The following FBN1 variants were observed in gnomAD, a reference collection of about 807,000 sequenced individuals.
FBN1 encodes fibrillin-1.
Under a neutral mutation model 365.1 loss-of-function variants are expected in FBN1, and 29 were observed. The observed-to-expected ratio is 0.08, with a 90% CI of 0.06 to 0.11. The LOEUF (loss-of-function observed/expected upper bound fraction) is 0.11, where lower values mean the gene tolerates loss of function less well. Among genes scored for constraint, FBN1 ranks in the 10% least tolerant of loss-of-function variants. The probability of loss-of-function intolerance (pLI) is 1.00; values close to 1 mark genes in which losing one functional copy is unlikely to be tolerated. For missense variants in FBN1, 2,476 were observed against 3,703.2 expected, an observed-to-expected ratio of 0.67 and a Z score of 8.60; for synonymous variants, 1,210 against 1,270.5, an observed-to-expected ratio of 0.95 and a Z score of 1.01.
chr15:48,517,281 C>T (rs1217888756), intron 10 of FBN1, among the ~76,000 whole-genome samples: 2 of 152,174 alleles, frequency 1.3e-5, no homozygotes, highest in Admixed American at 6.5e-5. Context: ...AGAGGTGATA[C>T]TCAAAGCCAT....
At chr15:48,485,614 A>C in intron 29 of FBN1, 118 bp from the exon 30 acceptor site, 1 of 1,110,376 alleles carries the variant, frequency 9.0e-7, no homozygotes, top group Non-Finnish European at 1.3e-6. Flanking sequence ...GGCCTTTAAA[A>C]GAGGTAATCA....
At chr15:48,520,857 A>C in intron 9 of FBN1, 40 bp from the exon 10 acceptor site, 1 of 1,613,058 alleles carries the variant, frequency 6.2e-7, no homozygotes. Context: ...CACATCGCTG[A>C]GATAATACTT....
chr15:48,521,508 G>C (rs1367841161), intron 9 of FBN1, among the ~76,000 whole-genome samples: 1 of 152,154 alleles, frequency 6.6e-6, no homozygotes, highest in Non-Finnish European at 1.5e-5. Flanking sequence ...GAAGGATTTT[G>C]TTGTTGTTTT....
At chr15:48,500,963 C>T (rs2043649984) in intron 17 of FBN1, among the ~76,000 whole-genome samples, 2 of 152,178 alleles carry the variant, frequency 1.3e-5, no homozygotes, top group Non-Finnish European at 2.9e-5. Flanking sequence ...AAACAGCCTA[C>T]CCCCCATTCT....
At chr15:48,428,242 C>T (rs2042995911) in intron 57 of FBN1, 104 bp downstream of exon 57, 1 of 1,429,866 alleles carries the variant, frequency 7.0e-7, no homozygotes, top group African/African-American at 1.4e-5. Context: ...TTTTATCCTT[C>T]CTCAGATTTT....
rs369475895 is a variant in FBN1 at position 48,494,268 on chromosome 15, C to T, written c.2678-14G>A. 3.5e-5 allele frequency: 56 copies of T among 1,609,170 alleles called. No homozygotes were observed. The highest frequency in any genetic ancestry group is 1.5e-4 in the Admixed American group (9 of 59,950). On this transcript the variant is annotated splice_polypyrimidine_tract_variant and intron_variant, in intron 22 of 65. Coordinates refer to ENST00000316623, the MANE Select transcript of FBN1 (RefSeq NM_000138.5). ...CACATATGGGATCTGTAATAAAAAG[C>T]GAAAAACAAAACAGAAAACAAATTT...
At chr15:48,605,869 C>CGTCTAAAAAAATTATT (rs1378115159) in intron 4 of FBN1, among the ~76,000 whole-genome samples, 1 of 151,740 alleles carries the variant, frequency 6.6e-6, no homozygotes, top group Non-Finnish European at 1.5e-5. Context: ...AGTAAGACCC[C>CGTCTAAAAAAATTATT]GTCTAAAAAA....
intron 6 of FBN1, among the ~76,000 whole-genome samples, chr15:48,543,249 A>G (rs1287118820): frequency 2.0e-5 from 3 of 152,120 alleles, no homozygotes; most frequent in African/African-American, 7.2e-5. Context: ...ACTGATATAC[A>G]TGATCTCATG....
intron 25 of FBN1, among the ~76,000 whole-genome samples, chr15:48,489,612 G>A (rs2043538532): frequency 6.6e-6 from 1 of 152,146 alleles, no homozygotes; most frequent in Non-Finnish European, 1.5e-5. Flanking sequence ...ACATTTAAGA[G>A]GGCCACCTAG....
chr15:48,443,352 C>T (rs1317016204), intron 49 of FBN1, among the ~76,000 whole-genome samples: 2 of 152,082 alleles, frequency 1.3e-5, no homozygotes, highest in East Asian at 3.9e-4. Flanking sequence ...AGAAATTAGC[C>T]TGTACATGCC....
chr15:48,526,298 T>G (rs2043914358), intron 8 of FBN1, 43 bp from the exon 9 acceptor site: 2 of 1,608,504 alleles, frequency 1.2e-6, no homozygotes, highest in Non-Finnish European at 1.7e-6. Context: ...TAGAACACAA[T>G]ATAAAACCAT....
chr15:48,512,868 T>C (rs577044589), intron 13 of FBN1, among the ~76,000 whole-genome samples: 2 of 152,188 alleles, frequency 1.3e-5, no homozygotes, highest in East Asian at 1.9e-4. Flanking sequence ...ACAGTGATCA[T>C]TGTATCTTAT....
intron 36 of FBN1, among the ~76,000 whole-genome samples, chr15:48,470,198 T>A (rs2043359553): frequency 6.6e-6 from 1 of 152,056 alleles, no homozygotes. Context: ...GAGCTCTGTG[T>A]ACCCAGTACT....
intron 13 of FBN1, among the ~76,000 whole-genome samples, chr15:48,511,331 T>A (rs2141324747): frequency 6.6e-6 from 1 of 152,280 alleles, no homozygotes; most frequent in Non-Finnish European, 1.5e-5. Flanking sequence ...CCTACGATCT[T>A]TTTCTCTCTC....
intron 14 of FBN1, 143 bp from the exon 15 acceptor site, chr15:48,508,847 T>C: frequency 3.0e-6 from 3 of 1,001,862 alleles, no homozygotes; most frequent in Non-Finnish European, 4.4e-6. Context: ...CCAAATAAGA[T>C]CATCTAAGGA....
intron 32 of FBN1, 73 bp from the exon 33 acceptor site, chr15:48,474,723 C>A: frequency 1.2e-6 from 2 of 1,600,988 alleles, no homozygotes; most frequent in South Asian, 1.1e-5. Context: ...AAGTAATATT[C>A]AAAAGTTGAC....
rs1161229728 is a variant in FBN1, at chr15:48,428,208, C to T, written c.6997+138G>A. On this transcript the variant is annotated intron_variant, in intron 57 of 65. Transcript: ENST00000316623. ...GCCCAATGGACAATCACAGTCATTA[C>T]GGCATCTCCAAAATATGAACATTTT... The T allele has an allele frequency of 3.5e-5, 38 of 1,091,124 alleles. No homozygotes were observed. In the East Asian group the frequency reaches 7.5e-4, roughly 21 times the overall value. 67.6% of individuals were successfully genotyped at this position (1,091,124 alleles called of 1,614,324 possible).
chr15:48,456,865 T>TGTGC, intron 43 of FBN1, 103 bp from the exon 44 acceptor site: 1 of 1,121,746 alleles, frequency 8.9e-7, no homozygotes, highest in South Asian at 1.2e-5. Context: ...TGTGTGTGTG[T>TGTGC]GTGTGTGCGT....
intron 60 of FBN1, 101 bp downstream of exon 60, chr15:48,425,268 G>C: frequency 1.3e-6 from 2 of 1,520,246 alleles, no homozygotes; most frequent in Non-Finnish European, 1.8e-6. Context: ...CCTCCTGCCT[G>C]TAGAGCAGGT....
Sources: allele counts gnomAD v4.1 joint callset (sites outside exome capture counted in the v4.1 genomes callset), GRCh38; gene constraint gnomAD v4.1.1; transcripts MANE v1.5; gene names NCBI Gene and HGNC (gene_info 2026-07-23, HGNC 2026-07-21).